The following RPH3A variants were observed in gnomAD, a reference collection of about 807,000 sequenced individuals.
RPH3A encodes rabphilin-3A.
RPH3A carries 48 observed loss-of-function variants against 102.2 expected under a neutral mutation model. The ratio of observed to expected loss-of-function variants is 0.47; its 90% CI spans 0.37 to 0.60. The LOEUF (loss-of-function observed/expected upper bound fraction) is 0.60, where lower values mean the gene tolerates loss of function less well. RPH3A is among the 20% of genes least tolerant of loss of function. The pLI is 0.00. For missense variants in RPH3A, 781 were observed against 910.1 expected, an observed-to-expected ratio of 0.86 and a Z score of 1.83; for synonymous variants, 310 against 324.3, an observed-to-expected ratio of 0.96 and a Z score of 0.47.
chr12:112,896,143 C>A (rs1308812850), intron 21 of RPH3A, among the ~76,000 whole-genome samples: 1 of 152,186 alleles, frequency 6.6e-6, no homozygotes, highest in African/African-American at 2.4e-5. Context: ...CTGCAGAAAG[C>A]AGGGTGCAAA....
chr12:112,805,200 C>T (rs867253945), intron 2 of RPH3A, among the ~76,000 whole-genome samples: 20 of 152,278 alleles, frequency 1.3e-4, no homozygotes, highest in Middle Eastern at 6.8e-3. Flanking sequence ...TGCAAGTGGA[C>T]AGCCCTAAAT....
chr12:112,596,444 A>G (rs1338780595), intron 1 of RPH3A, among the ~76,000 whole-genome samples: 1 of 152,206 alleles, frequency 6.6e-6, no homozygotes, highest in East Asian at 1.9e-4. Context: ...TGGATATCCA[A>G]TTGATCCAGC....
intron 2 of RPH3A, among the ~76,000 whole-genome samples, chr12:112,795,002 C>T (rs1450361617): frequency 2.6e-5 from 4 of 152,206 alleles, no homozygotes; most frequent in African/African-American, 9.6e-5. Context: ...TGTGATTCCA[C>T]AGGGGTAGCC....
At chr12:112,827,800 T>C (rs1157145476) in intron 2 of RPH3A, among the ~76,000 whole-genome samples, 1 of 151,752 alleles carries the variant, frequency 6.6e-6, no homozygotes, top group East Asian at 1.9e-4. Flanking sequence ...CTAATGTAGA[T>C]GATGGGTTGA....
intron 1 of RPH3A, among the ~76,000 whole-genome samples, chr12:112,727,857 C>T (rs1309853102): frequency 6.6e-6 from 1 of 152,080 alleles, no homozygotes; most frequent in Non-Finnish European, 1.5e-5. Flanking sequence ...TGTTCACAAC[C>T]AAAGAATGTC....
intron 17 of RPH3A, among the ~76,000 whole-genome samples, chr12:112,889,410 C>A (rs1248851162): frequency 6.6e-6 from 1 of 152,258 alleles, no homozygotes. Context: ...GCTGCAGCAG[C>A]CGCAGAACAC....
intron 1 of RPH3A, among the ~76,000 whole-genome samples, chr12:112,713,916 G>A (rs112528535): frequency 5.3e-5 from 8 of 152,176 alleles, no homozygotes; most frequent in Non-Finnish European, 1.0e-4. Flanking sequence ...TGGCTGAGAC[G>A]TGGGTTCAGA....
intron 2 of RPH3A, among the ~76,000 whole-genome samples, chr12:112,810,173 C>T (rs138866483): frequency 8.0e-4 from 122 of 152,242 alleles, no homozygotes; most frequent in Admixed American, 1.2e-3. Context: ...CCTTTCTTTC[C>T]TCAAGAAAGA....
In RPH3A at chr12:112,868,578, C is replaced by T; in HGVS notation, c.593C>T (p.Ala198Val). Residue 198 changes from alanine to valine, a missense_variant, in exon 8 of 22, where the codon GCC becomes GTC. Physicochemically the swap from Ala to Val is moderately conservative, Grantham distance 64. Transcript: ENST00000389385. ...EQPAPEPKHPARAPARGDSED... is the reference protein window; with the variant it reads ...EQPAPEPKHPVRAPARGDSED... ...CCTGCTCCTGAGCCCAAGCACCCTG[C>T]CCGGGCTCCAGCTCGAGGTAGGACA... 6.2e-7 allele frequency: 1 copy of T among 1,614,072 alleles called. No individual in the cohort carries two copies. Among genetic ancestry groups the T allele is most frequent in the Non-Finnish European group, 8.5e-7 (1 of 1,179,976 alleles).
chr12:112,811,010 G>A (rs1323385425), intron 2 of RPH3A, among the ~76,000 whole-genome samples: 1 of 151,936 alleles, frequency 6.6e-6, no homozygotes, highest in Non-Finnish European at 1.5e-5. Flanking sequence ...GAGCGAGAGG[G>A]AGTCAATTCC....
At chr12:112,891,256 T>A (rs1189044567) in intron 19 of RPH3A, 28 of 508,476 alleles carry the variant, frequency 5.5e-5, no homozygotes, top group Non-Finnish European at 9.5e-5. Context: ...GGCCTGCTGA[T>A]GGCTCTGCAA....
At chr12:112,780,466 G>C (rs1179669254) in intron 1 of RPH3A, among the ~76,000 whole-genome samples, 1 of 150,906 alleles carries the variant, frequency 6.6e-6, no homozygotes, top group East Asian at 2.0e-4. Context: ...TACCTGTCCT[G>C]TATCCATTCT....
At chr12:112,631,887 T>C (rs576083589) in intron 1 of RPH3A, among the ~76,000 whole-genome samples, 10 of 152,316 alleles carry the variant, frequency 6.6e-5, no homozygotes, top group African/African-American at 2.2e-4. Flanking sequence ...TTGCATATGG[T>C]GAAGTCTTGG....
chr12:112,677,425 CCTTCCTTCCTTCCTTCCT>C (rs2040186826), intron 1 of RPH3A, among the ~76,000 whole-genome samples: 1 of 85,394 alleles, frequency 1.2e-5, no homozygotes, highest in Non-Finnish European at 2.3e-5. Context: ...CTCCTTCCTT[CCTTCCTTCCTTCCTTCCT>C]TCCTTCCTTC....
At chr12:112,719,379 T>C (rs776000078) in intron 1 of RPH3A, among the ~76,000 whole-genome samples, 1 of 152,204 alleles carries the variant, frequency 6.6e-6, no homozygotes, top group African/African-American at 2.4e-5. Flanking sequence ...GTAGAACGCA[T>C]ACCTCAGTTA....
In RPH3A at chr12:112,897,126, A is replaced by C. The variant is rs1001930318; in HGVS notation, c.*346A>C. On this transcript the variant is annotated 3_prime_UTR_variant, in exon 22 of 22. Transcript: ENST00000389385. ...TTTAGGACTGTTTTTAGACCCTCCTAGCCTTGAACACACACATGTACACAC... is the reference window on the plus strand; with the variant it reads ...TTTAGGACTGTTTTTAGACCCTCCTCGCCTTGAACACACACATGTACACAC... 1 of 258,826 alleles carries C rather than the reference A, an allele frequency of 3.9e-6. No homozygotes were observed. The highest frequency in any genetic ancestry group is 7.7e-6 in the Non-Finnish European group (1 of 130,166). 16.0% of individuals were successfully genotyped at this position (258,826 alleles called of 1,614,324 possible). A position where few individuals can be genotyped will look rare whatever the true frequency, so the allele number is the denominator to read the frequency against.
intron 1 of RPH3A, among the ~76,000 whole-genome samples, chr12:112,599,925 C>G (rs1184076754): frequency 6.6e-6 from 1 of 152,174 alleles, no homozygotes; most frequent in African/African-American, 2.4e-5. Context: ...TGGCTTCACC[C>G]TCTCTCAGCC....
At chr12:112,724,484 A>T (rs1187627532) in intron 1 of RPH3A, among the ~76,000 whole-genome samples, 2 of 152,256 alleles carry the variant, frequency 1.3e-5, no homozygotes, top group Non-Finnish European at 2.9e-5. Context: ...GAACCTGCAC[A>T]GTTCAAACCC....
chr12:112,781,176 A>G (rs1397076079), intron 1 of RPH3A, among the ~76,000 whole-genome samples: 1 of 137,756 alleles, frequency 7.3e-6, no homozygotes, highest in Non-Finnish European at 1.6e-5. Context: ...ACAAAACAAA[A>G]CAAACAAAAA....
Sources: allele counts gnomAD v4.1 joint callset (sites outside exome capture counted in the v4.1 genomes callset), GRCh38; gene constraint gnomAD v4.1.1; transcripts MANE v1.5; gene names NCBI Gene and HGNC (gene_info 2026-07-23, HGNC 2026-07-21).